The following SUN3 variants were observed in gnomAD, a reference collection of about 807,000 sequenced individuals.
SUN3 encodes the protein SUN domain-containing protein 3.
A neutral mutation model predicts 48.2 loss-of-function variants in SUN3; 36 were observed. The observed-to-expected ratio is 0.75, with a 90% CI of 0.57 to 0.99. SUN3 has a LOEUF of 0.99. Ranked by LOEUF, SUN3 falls within the 50% of genes least tolerant of loss-of-function variation. The pLI is 0.00. For missense variants in SUN3, 419 were observed against 433.1 expected (o/e 0.97, Z 0.29); for synonymous variants, 148 against 147.9 (o/e 1.00, Z 0.00).
At chr7:47,998,750 T>A (rs945100583) in intron 6 of SUN3, among the ~76,000 whole-genome samples, 7 of 152,148 alleles carry the variant, frequency 4.6e-5, no homozygotes, top group African/African-American at 1.4e-4. Context: ...TTTTTTATTT[T>A]TGCATATGAA....
chr7:47,988,813 G>C lies in SUN3; in HGVS notation c.929C>G (p.Thr310Ser), dbSNP rs766708406. 6.2e-7 allele frequency: 1 copy of C among 1,606,288 alleles called. No homozygotes were observed. The highest frequency in any genetic ancestry group is 8.5e-7 in the Non-Finnish European group (1 of 1,175,452). ...LGQFIYNKTGTTVQTFELQHA... is the reference protein window; with the variant it reads ...LGQFIYNKTGSTVQTFELQHA... ...CTGGAGTTCAAATGTTTGAACGGTG[G>C]TTCCTGTTTTGTTATATATAAACTG... is the stretch of plus-strand genomic sequence containing the variant. The change falls in exon 9 of 10, where the codon ACC (threonine) becomes AGC (serine). Residue 310 changes from threonine (T) to serine (S), a missense_variant. Transcript: ENST00000297325.
intron 3 of SUN3, among the ~76,000 whole-genome samples, chr7:48,014,225 C>T (rs1325228511): frequency 1.3e-5 from 2 of 152,158 alleles, no homozygotes; most frequent in Admixed American, 6.6e-5. Flanking sequence ...GAATGAGCCA[C>T]CGTGTTGGGC....
intron 8 of SUN3, among the ~76,000 whole-genome samples, chr7:47,990,835 C>T (rs1266161896): frequency 6.6e-6 from 1 of 151,538 alleles, no homozygotes; most frequent in East Asian, 1.9e-4. Context: ...TTATCCACAG[C>T]AAACTAACAC....
At chr7:48,026,345 A>C (rs564899100) in intron 1 of SUN3, among the ~76,000 whole-genome samples, 1 of 152,322 alleles carries the variant, frequency 6.6e-6, no homozygotes, top group African/African-American at 2.4e-5. Context: ...ATTTTGTACT[A>C]AGCTAAAGAA....
intron 3 of SUN3, among the ~76,000 whole-genome samples, chr7:48,011,512 T>C (rs773937595): frequency 6.5e-4 from 99 of 152,322 alleles, no homozygotes; most frequent in Admixed American, 1.1e-3. Flanking sequence ...TTATCATTGG[T>C]AGATAGAGAT....
At chr7:48,025,079 A>C (rs1790098463) in intron 2 of SUN3, among the ~76,000 whole-genome samples, 1 of 152,196 alleles carries the variant, frequency 6.6e-6, no homozygotes, top group Non-Finnish European at 1.5e-5. Flanking sequence ...AATTGAGAAC[A>C]GGTGTTCAAA....
chr7:48,001,531 G>GTTTTTTTTTTTTTTTT (rs1166666161), intron 6 of SUN3, among the ~76,000 whole-genome samples: 1 of 110,494 alleles, frequency 9.1e-6, no homozygotes, highest in African/African-American at 3.6e-5. Flanking sequence ...TGTTTTTTTT[G>GTTTTTTTTTTTTTTTT]TTTTTTTTTT....
intron 3 of SUN3, among the ~76,000 whole-genome samples, chr7:48,013,155 C>G (rs975984866): frequency 6.6e-6 from 1 of 152,110 alleles, no homozygotes; most frequent in Non-Finnish European, 1.5e-5. Context: ...GAATGGCAGG[C>G]CCAGTCTCAA....
chr7:48,020,675 T>C (rs1789968666), intron 2 of SUN3, among the ~76,000 whole-genome samples: 1 of 152,044 alleles, frequency 6.6e-6, no homozygotes, highest in Admixed American at 6.6e-5. Flanking sequence ...ATTAATAAAG[T>C]AATCTCATTT....
chr7:48,000,338 A>T (rs901080353), intron 6 of SUN3, among the ~76,000 whole-genome samples: 9 of 152,002 alleles, frequency 5.9e-5, no homozygotes, highest in African/African-American at 2.2e-4. Flanking sequence ...GGATTTCACC[A>T]TGTTGGCCAG....
At chr7:48,012,930 G>C (rs2128779122) in intron 3 of SUN3, among the ~76,000 whole-genome samples, 1 of 152,294 alleles carries the variant, frequency 6.6e-6, no homozygotes, top group East Asian at 1.9e-4. Flanking sequence ...GAAGACACAA[G>C]AAAGCTCTCA....
At chr7:48,009,489 G>A (rs1050979021) in intron 3 of SUN3, among the ~76,000 whole-genome samples, 2 of 152,168 alleles carry the variant, frequency 1.3e-5, no homozygotes, top group African/African-American at 2.4e-5. Context: ...ACATGGCGAC[G>A]TTAGAGGACC....
At chr7:48,032,747 G>A (rs940399170), upstream of SUN3, among the ~76,000 whole-genome samples, 1 of 152,242 alleles carries the variant, frequency 6.6e-6, no homozygotes, top group South Asian at 2.1e-4. Flanking sequence ...CAGAGGTGAA[G>A]GTTGGAGAGG....
chr7:48,010,563 C>T (rs371618491), intron 3 of SUN3, among the ~76,000 whole-genome samples: 11 of 152,216 alleles, frequency 7.2e-5, no homozygotes, highest in East Asian at 5.8e-4. Flanking sequence ...GAAGGCCGAC[C>T]CAAGCAATCA....
intron 6 of SUN3, chr7:48,000,139 T>C (rs747086871): frequency 6.6e-6 from 1 of 152,104 alleles, no homozygotes; most frequent in Non-Finnish European, 1.5e-5. Flanking sequence ...TCATCTTTTG[T>C]TGTTGTTGTT....
intron 6 of SUN3, chr7:48,000,150 GTT>G (rs1445761581): frequency 6.6e-6 from 1 of 152,090 alleles, no homozygotes. Context: ...TGTTGTTGTT[GTT>G]TTGAGATGGA....
At chr7:48,019,074 G>A (rs1005289509) in intron 2 of SUN3, among the ~76,000 whole-genome samples, 2 of 152,198 alleles carry the variant, frequency 1.3e-5, no homozygotes, top group African/African-American at 4.8e-5. Context: ...GTTGATTTAA[G>A]CAGGCAGATG....
At chr7:48,009,563 G>A (rs992382768) in intron 3 of SUN3, among the ~76,000 whole-genome samples, 1 of 152,054 alleles carries the variant, frequency 6.6e-6, no homozygotes, top group Admixed American at 6.6e-5. Flanking sequence ...AATAAGAAAG[G>A]GATGTGATTA....
rs1003471388 is a variant in SUN3, at chr7:48,014,193, G to T, written c.288+3069C>A. ...GCCAAGCGATCTGCCCACTTCACCT[G>T]CCCAAAGTGCTGGGATTACAGGAAT... On this transcript the variant is annotated intron_variant, in intron 3 of 9. Coordinates refer to ENST00000297325, the MANE Select transcript of SUN3 (RefSeq NM_001030019.2). Among the ~76,000 whole-genome samples, 16 of 152,202 alleles carry T rather than the reference G, an allele frequency of 1.1e-4. 1 individual carries two copies. Among genetic ancestry groups the T allele is most frequent in the Middle Eastern group, 6.8e-3 (2 of 294 alleles).
Sources: gnomAD v4.1 joint callset for allele counts (sites outside exome capture counted in the v4.1 genomes callset) on GRCh38, gnomAD v4.1.1 for gene constraint, MANE v1.5 for transcripts, NCBI Gene and HGNC (gene_info 2026-07-23, HGNC 2026-07-21) for gene names.